Variants in TEP1 observed in about 807,000 individuals in gnomAD.
TEP1 encodes telomerase protein component 1.
TEP1 carries 241 observed loss-of-function variants against 306.3 expected under a neutral mutation model. The observed-to-expected ratio is 0.79, with a 90% confidence interval of 0.71 to 0.88. TEP1 has a LOEUF of 0.88. TEP1 is among the 40% of genes least tolerant of loss of function. The pLI, the probability that TEP1 is intolerant of heterozygous loss-of-function variation, is 0.00. For missense variants in TEP1, 3,051 were observed against 3,276.1 expected, an observed-to-expected ratio of 0.93 and a Z score of 1.68; for synonymous variants, 1,289 against 1,305.5, an observed-to-expected ratio of 0.99 and a Z score of 0.27.
rs1879370301 is a variant in TEP1, at chr14:20,408,287, G to A, written c.153C>T (p.Cys51=). Residue 51 remains cysteine (C), a synonymous_variant, in exon 2 of 55, where the codon TGC becomes TGT. Transcript: ENST00000262715. ...HSDILSLKNQ[C]LATLPDLKTM... ...TCTTCAGGTCAGGAAGCGTGGCTAG[G>A]CACTGGTTCTTCAAGGAGAGGATAT... The A allele has an allele frequency of 6.2e-7, 1 of 1,613,896 alleles. No homozygotes were observed. The highest frequency in any genetic ancestry group is 1.7e-5 in the Admixed American group (1 of 59,996).
chr14:20,395,816 A>C (rs1482280685), intron 11 of TEP1, 43 bp downstream of exon 11: 1 of 1,581,892 alleles, frequency 6.3e-7, no homozygotes, highest in African/African-American at 1.3e-5. Flanking sequence ...ATTTATTGTC[A>C]GATGTGGGAG....
chr14:20,380,599 C>A, intron 33 of TEP1, 124 bp from the exon 34 acceptor site: 1 of 1,392,738 alleles, frequency 7.2e-7, no homozygotes, highest in Non-Finnish European at 9.5e-7. Context: ...GGCCCTATAT[C>A]AGGAATATCT....
Position 20,369,721 on chromosome 14 carries a change from T to A in TEP1, c.7376A>T (p.Asn2459Ile). 1 of 1,614,170 alleles carries A rather than the reference T, an allele frequency of 6.2e-7. No homozygotes were observed. Among genetic ancestry groups the A allele is most frequent in the Non-Finnish European group, 8.5e-7 (1 of 1,180,022 alleles). ...ERLNFDINLENPSRTLISITQ... is the reference protein window; with the variant it reads ...ERLNFDINLEIPSRTLISITQ... ...TATCGATATTAGGGTCCTACTAGGA[T>A]TCTCTAAGTTTATATCAAAGTTCAG... Residue 2459 changes from asparagine (N) to isoleucine (I), a missense_variant, in exon 52 of 55, where the codon AAT becomes ATT. Physicochemically the swap from Asn to Ile is moderately radical, Grantham distance 149. Around this residue, in one of 3 missense-constraint regions of TEP1, gnomAD observed 1,540 missense variants for 1,705.9 expected, o/e 0.90. Transcript: ENST00000262715.
intron 15 of TEP1, 85 bp from the exon 16 acceptor site, chr14:20,389,825 G>A: frequency 6.5e-7 from 1 of 1,547,652 alleles, no homozygotes; most frequent in Non-Finnish European, 8.8e-7. Flanking sequence ...GAGGACAGGA[G>A]GATTAGGAGA....
At chr14:20,397,685 CACT>C (rs1878317040) in intron 9 of TEP1, among the ~76,000 whole-genome samples, 1 of 152,080 alleles carries the variant, frequency 6.6e-6, no homozygotes, top group African/African-American at 2.4e-5. Flanking sequence ...AGAATTTCAC[CACT>C]GACCTCTGTC....
At chr14:20,384,907 T>A (rs935344616) in intron 21 of TEP1, 78 bp downstream of exon 21, 22 of 1,601,514 alleles carry the variant, frequency 1.4e-5, no homozygotes, top group Non-Finnish European at 1.8e-5. Flanking sequence ...CCTTCTATAC[T>A]CTGAATACTG....
At chr14:20,391,803 G>T (rs904062275) in intron 12 of TEP1, 36 bp from the exon 13 acceptor site, 1 of 1,606,658 alleles carries the variant, frequency 6.2e-7, no homozygotes, top group South Asian at 1.1e-5. Context: ...AGGGGCTCAG[G>T]GACTTATCTG....
In TEP1 at chr14:20,387,985, G is replaced by A. The variant is rs1309566458; in HGVS notation, c.2604C>T (p.Pro868=). 6.2e-7 allele frequency: 1 copy of A among 1,613,984 alleles called. No homozygotes were observed. The highest frequency in any genetic ancestry group is 1.3e-5 in the African/African-American group (1 of 74,902). Residue 868 remains proline, a synonymous_variant, in exon 18 of 55, where the codon CCC becomes CCT. Transcript: ENST00000262715. ...QMDKIFKIPP[P]PGKTGVQSLR... ...GAGACTGGACCCCTGTCTTTCCTGG[G>A]GGTGGTGGAATCTTGAATATTTTGT...
chr14:20,406,516 C>G, intron 2 of TEP1, 116 bp from the exon 3 acceptor site: 4 of 985,796 alleles, frequency 4.1e-6, no homozygotes, highest in Non-Finnish European at 6.2e-6. Flanking sequence ...TTAATAGCAC[C>G]TCTAATGTTC....
intron 6 of TEP1, 31 bp from the exon 7 acceptor site, chr14:20,403,479 A>C: frequency 1.9e-6 from 3 of 1,613,506 alleles, no homozygotes; most frequent in Non-Finnish European, 2.5e-6. Context: ...ATTTCAAAAA[A>C]AGGGAACTGG....
chr14:20,387,412 C>A (rs376891579), intron 18 of TEP1, among the ~76,000 whole-genome samples: 1 of 150,944 alleles, frequency 6.6e-6, no homozygotes, highest in East Asian at 2.0e-4. Context: ...ATTAGCCGGG[C>A]ATGGTGGCAG....
rs780086392 is a variant in TEP1, at chr14:20,403,729, G to A, written c.1188C>T (p.Arg396=). 1.2e-6 allele frequency: 2 copies of A among 1,613,614 alleles called. No homozygotes were observed. The highest frequency in any genetic ancestry group is 1.7e-5 in the Admixed American group (1 of 60,020). Reference sequence around the variant, plus strand: ...GGCTGGGGCAGTGACTGACTGGAGAGCGGGGTGGCCGGCGGGGGTGTCTCT... The same window carrying A: ...GGCTGGGGCAGTGACTGACTGGAGAACGGGGTGGCCGGCGGGGGTGTCTCT... ...RAKRHPRRPP[R]SPGMEPPFSH... Residue 396 remains arginine, a synonymous_variant, in exon 6 of 55, where the codon CGC becomes CGT. Coordinates refer to ENST00000262715, the MANE Select transcript of TEP1 (RefSeq NM_007110.5).
chr14:20,379,861 A>C, intron 35 of TEP1, 69 bp downstream of exon 35: 4 of 1,541,506 alleles, frequency 2.6e-6, no homozygotes, highest in Non-Finnish European at 3.5e-6. Flanking sequence ...TGTTTGGCTC[A>C]TCTAGGGCTT....
chr14:20,393,688 A>T (rs1877933976), intron 12 of TEP1, among the ~76,000 whole-genome samples: 1 of 151,990 alleles, frequency 6.6e-6, no homozygotes, highest in Admixed American at 6.6e-5. Context: ...GCTACTTGGG[A>T]GTCTGAGGCA....
At chr14:20,401,720 G>A in intron 7 of TEP1, 139 bp from the exon 8 acceptor site, 2 of 1,274,430 alleles carry the variant, frequency 1.6e-6, no homozygotes, top group East Asian at 2.4e-5. Context: ...CAAGGAGCAG[G>A]AATAGAGGGT....
chr14:20,381,211 G>T lies in TEP1; in HGVS notation c.4647+102C>A, dbSNP rs1236459710. The stretch of plus-strand genomic sequence containing the variant: ...AAGAGGTCAAGGGAGTTTGGGAGGG[G>T]TAATGGCGGCGGTGATGGTGGAGAT... On this transcript the variant is annotated intron_variant, in intron 32 of 54. Transcript: ENST00000262715. The surrounding 1 kb of genome is among the most constrained non-coding windows in gnomAD (Gnocchi z 4.0). The T allele has an allele frequency of 2.8e-5, 37 of 1,307,052 alleles. No homozygotes were observed. Among genetic ancestry groups the T allele is most frequent in the Non-Finnish European group, 3.5e-5 (32 of 901,452 alleles). 81.0% of individuals were successfully genotyped at this position (1,307,052 alleles called of 1,614,324 possible).
At chr14:20,377,236 A>T in intron 41 of TEP1, 44 bp downstream of exon 41, 1 of 1,479,182 alleles carries the variant, frequency 6.8e-7, no homozygotes, top group Non-Finnish European at 9.2e-7. Context: ...AAAAGAAAAG[A>T]AAAGAACAGT....
rs1594313447 is a variant in TEP1 at position 20,368,199 on chromosome 14, A to C, written c.*238T>G. The C allele has an allele frequency of 2.9e-6, 1 of 342,712 alleles. No homozygotes were observed. The highest frequency in any genetic ancestry group is 5.2e-6 in the Non-Finnish European group (1 of 191,896). The allele number at this position is 342,712 out of a possible 1,614,324, so 21.2% of individuals were successfully genotyped here. A position where few individuals can be genotyped will look rare whatever the true frequency, so the allele number is the denominator to read the frequency against. On this transcript the variant is annotated 3_prime_UTR_variant, in exon 55 of 55. Coordinates refer to ENST00000262715, the MANE Select transcript of TEP1 (RefSeq NM_007110.5). ...CATTCACTTTCTTGTGGTTCTAGTA[A>C]GGATTAATGTTGAATAAGAAGAGAC... is the stretch of plus-strand genomic sequence containing the variant.
rs958049849 is a variant in TEP1 at position 20,366,250 on chromosome 14, G to C, written c.*2187C>G. On this transcript the variant is annotated 3_prime_UTR_variant, in exon 55 of 55. Coordinates refer to ENST00000262715, the MANE Select transcript of TEP1 (RefSeq NM_007110.5). The stretch of plus-strand genomic sequence containing the variant: ...AACTTTCCCCAACCCCTTCACTCCA[G>C]CCTTAGCTGGGATGCTTTTATATAA... The C allele has an allele frequency of 5.3e-5, 8 of 152,176 alleles. No individual in the cohort carries two copies. Among genetic ancestry groups the C allele is most frequent in the Admixed American group, 2.0e-4 (3 of 15,282 alleles). 9.4% of individuals were successfully genotyped at this position (152,176 alleles called of 1,614,324 possible). A position where few individuals can be genotyped will look rare whatever the true frequency, so the allele number is the denominator to read the frequency against.
Sources: allele counts gnomAD v4.1 joint callset (sites outside exome capture counted in the v4.1 genomes callset), GRCh38; gene constraint gnomAD v4.1.1; regional missense constraint gnomAD v4.1.1; non-coding constraint Gnocchi (gnomAD v3.1); transcripts MANE v1.5; gene names NCBI Gene and HGNC (gene_info 2026-07-23, HGNC 2026-07-21).